GLP2R: variants seen among roughly 807,000 people sequenced by gnomAD.
GLP2R encodes glucagon-like peptide 2 receptor.
A neutral mutation model predicts 68.2 loss-of-function variants in GLP2R; 59 were observed. The observed-to-expected ratio is 0.87, with a 90% CI of 0.70 to 1.07. GLP2R has a LOEUF of 1.07. Ranked by LOEUF, GLP2R falls within the 50% of genes least tolerant of loss-of-function variation. The probability of loss-of-function intolerance (pLI) is 0.00; values close to 1 mark genes in which losing one functional copy is unlikely to be tolerated. For synonymous variants in GLP2R, 270 were observed against 265.4 expected (o/e 1.02, Z -0.17); for missense variants, 548 against 677.4 (o/e 0.81, Z 2.12).
At chr17:9,867,341 T>C (rs1162503184) in intron 9 of GLP2R, among the ~76,000 whole-genome samples, 1 of 152,210 alleles carries the variant, frequency 6.6e-6, no homozygotes, top group Non-Finnish European at 1.5e-5. Context: ...TTGATGCGAG[T>C]GTACAACATG....
intron 9 of GLP2R, among the ~76,000 whole-genome samples, chr17:9,865,383 G>T (rs2067026123): frequency 6.6e-6 from 1 of 151,688 alleles, no homozygotes; most frequent in Non-Finnish European, 1.5e-5. Context: ...CTTCATTCTT[G>T]CCCCTGACAA....
chr17:9,840,194 C>T (rs532576697), intron 3 of GLP2R, among the ~76,000 whole-genome samples: 1 of 152,202 alleles, frequency 6.6e-6, no homozygotes, highest in Non-Finnish European at 1.5e-5. Context: ...CCAGGCTGGT[C>T]TCGAACTTCT....
intron 8 of GLP2R, among the ~76,000 whole-genome samples, chr17:9,861,468 C>T (rs1328540778): frequency 1.3e-5 from 2 of 152,152 alleles, no homozygotes; most frequent in African/African-American, 4.8e-5. Context: ...AGAGTGGTTA[C>T]TGCAGTATTG....
intron 12 of GLP2R, among the ~76,000 whole-genome samples, chr17:9,888,974 T>C (rs1349985987): frequency 6.6e-6 from 1 of 152,210 alleles, no homozygotes; most frequent in Non-Finnish European, 1.5e-5. Context: ...CATTATGTAC[T>C]TCCACTTACA....
intron 1 of GLP2R, among the ~76,000 whole-genome samples, chr17:9,827,254 T>C (rs2066640922): frequency 6.6e-6 from 1 of 152,160 alleles, no homozygotes; most frequent in South Asian, 2.1e-4. Context: ...CAAAATACAC[T>C]AATAACACAG....
chr17:9,832,355 A>G (rs2066687990), intron 1 of GLP2R, among the ~76,000 whole-genome samples: 1 of 152,128 alleles, frequency 6.6e-6, no homozygotes, highest in Admixed American at 6.6e-5. Context: ...AGGGCGGATC[A>G]CAAGGTCAGG....
intron 1 of GLP2R, among the ~76,000 whole-genome samples, chr17:9,832,576 A>C (rs1476882687): frequency 4.6e-5 from 7 of 152,022 alleles, no homozygotes; most frequent in South Asian, 2.1e-4. Context: ...ACAACAACAA[A>C]AAAACTTAGC....
chr17:9,854,623 A>C, intron 5 of GLP2R, 22 bp downstream of exon 5: 2 of 1,365,238 alleles, frequency 1.5e-6, no homozygotes. Flanking sequence ...TTCTGCAGGC[A>C]TGTGTTCGGG....
intron 4 of GLP2R, among the ~76,000 whole-genome samples, chr17:9,850,978 A>G (rs1207214516): frequency 2.6e-5 from 4 of 151,626 alleles, no homozygotes; most frequent in African/African-American, 9.7e-5. Context: ...CAGGCTTGTG[A>G]AGCACCATGC....
In GLP2R at chr17:9,842,867, C is replaced by G. The variant is rs367611791; in HGVS notation, c.504+251C>G. On this transcript the variant is annotated intron_variant, in intron 4 of 12. Transcript: ENST00000262441. ...GGATTGATCCTGGCATTTGTGCTTG[C>G]TGTTCCCCGTGCCTGGAGCACCTGT... 2.6e-5 allele frequency among the ~76,000 whole-genome samples: 4 copies of G among 152,232 alleles called. No individual in the cohort carries two copies. The East Asian group carries it at 7.7e-4, about 29-fold the overall frequency.
intron 1 of GLP2R, among the ~76,000 whole-genome samples, chr17:9,830,014 A>G (rs944836774): frequency 6.6e-6 from 1 of 152,236 alleles, no homozygotes; most frequent in African/African-American, 2.4e-5. Context: ...CAGTTGGAAA[A>G]AAATTCACCC....
intron 3 of GLP2R, among the ~76,000 whole-genome samples, chr17:9,839,376 G>A (rs1207830878): frequency 6.6e-6 from 1 of 152,000 alleles, no homozygotes; most frequent in Non-Finnish European, 1.5e-5. Flanking sequence ...GAAAATGGAG[G>A]AGAGGAAAAC....
At chr17:9,871,343 C>CAAAA (rs34449375) in intron 10 of GLP2R, among the ~76,000 whole-genome samples, 2 of 95,762 alleles carry the variant, frequency 2.1e-5, no homozygotes, top group Non-Finnish European at 2.2e-5. Context: ...GACCCTGTCT[C>CAAAA]AAAAAAAAAA....
At chr17:9,864,323 T>G (rs1597393848) in intron 9 of GLP2R, among the ~76,000 whole-genome samples, 1 of 152,108 alleles carries the variant, frequency 6.6e-6, no homozygotes, top group East Asian at 1.9e-4. Context: ...TGGAACAAGC[T>G]CCCCAGGTTT....
Position 9,833,860 on chromosome 17 carries a change from G to T in GLP2R, c.243G>T (p.Gln81His). 6.2e-7 allele frequency: 1 copy of T among 1,613,286 alleles called. No individual in the cohort carries two copies. Among genetic ancestry groups the T allele is most frequent in the Non-Finnish European group, 8.5e-7 (1 of 1,179,244 alleles). The change falls in exon 2 of 13, where the codon CAG becomes CAT. Residue 81 changes from glutamine (Q) to histidine (H), a missense_variant. Gln to His is a conservative substitution (Grantham distance 24). Transcript: ENST00000262441. Reference sequence around the variant, plus strand: ...CTCGGAAGTGGGCTCAGTACAAACAGGCATGTCTGAGAGACTTACTCAAGG... The same window carrying T: ...CTCGGAAGTGGGCTCAGTACAAACATGCATGTCTGAGAGACTTACTCAAGG... ...ETTRKWAQYKQACLRDLLKEP... is the reference protein window; with the variant it reads ...ETTRKWAQYKHACLRDLLKEP...
intron 10 of GLP2R, among the ~76,000 whole-genome samples, chr17:9,875,772 C>G (rs1489204656): frequency 2.0e-5 from 3 of 152,224 alleles, no homozygotes; most frequent in African/African-American, 7.2e-5. Context: ...CTTTGTGGTT[C>G]CCAGCTCAGA....
intron 10 of GLP2R, among the ~76,000 whole-genome samples, chr17:9,871,196 C>T (rs905425046): frequency 3.9e-5 from 6 of 152,132 alleles, no homozygotes; most frequent in South Asian, 2.1e-4. Context: ...GGTGAAACCC[C>T]GTTTCTACCA....
At chr17:9,886,231 C>G (rs2152050514) in intron 11 of GLP2R, among the ~76,000 whole-genome samples, 1 of 152,316 alleles carries the variant, frequency 6.6e-6, no homozygotes. Flanking sequence ...GAGCCTACTG[C>G]TTAGAGAGTT....
At chr17:9,855,958 G>A (rs1047396261) in intron 5 of GLP2R, among the ~76,000 whole-genome samples, 4 of 152,188 alleles carry the variant, frequency 2.6e-5, no homozygotes, top group African/African-American at 4.8e-5. Flanking sequence ...GAATGTAAGC[G>A]GATATAATGT....
Sources: gnomAD v4.1 joint callset for allele counts (sites outside exome capture counted in the v4.1 genomes callset) on GRCh38, gnomAD v4.1.1 for gene constraint, MANE v1.5 for transcripts, NCBI Gene and HGNC (gene_info 2026-07-23, HGNC 2026-07-21) for gene names.